Variants in METTL22 observed in about 807,000 individuals in gnomAD.
METTL22 encodes the protein methyltransferase 22, Kin17 lysine, also known as methyltransferase-like protein 22.
Under a neutral mutation model 48.4 loss-of-function variants are expected in METTL22, and 51 were observed. The observed-to-expected ratio is 1.05, with a 90% confidence interval of 0.84 to 1.33. METTL22 has a LOEUF of 1.33. METTL22 is among the 40% of genes most tolerant of loss of function. The probability of loss-of-function intolerance (pLI) is 0.00; values close to 1 mark genes in which losing one functional copy is unlikely to be tolerated. For synonymous variants in METTL22, 255 were observed against 214.1 expected (o/e 1.19, Z -1.67); for missense variants, 678 against 526.9 (o/e 1.29, Z -2.81).
chr16:8,644,334 C>A, intron 9 of METTL22: 3 of 413,632 alleles, frequency 7.3e-6, no homozygotes, highest in Admixed American at 3.9e-5. Context: ...GCTTTCTGAG[C>A]CTGTTTCCAC....
intron 9 of METTL22, 124 bp from the exon 10 acceptor site, chr16:8,644,433 G>A (rs781451187): frequency 1.3e-5 from 12 of 929,668 alleles, no homozygotes; most frequent in Admixed American, 5.4e-5. Flanking sequence ...TGAGACAGGC[G>A]CTCAGTAAAA....
At chr16:8,633,200 C>G (rs996878817) in intron 3 of METTL22, among the ~76,000 whole-genome samples, 24 of 152,248 alleles carry the variant, frequency 1.6e-4, no homozygotes, top group African/African-American at 5.8e-4. Context: ...TTCAGCCTGC[C>G]CAGCGAGTCC....
Position 8,649,565 on chromosome 16 carries a change from G to A in METTL22, c.*3422G>A, listed in dbSNP as rs2056861812. 1 of 151,934 alleles carries A rather than the reference G, an allele frequency of 6.6e-6. No individual in the cohort carries two copies. The highest frequency in any genetic ancestry group is 2.4e-5 in the African/African-American group (1 of 41,340). 9.4% of individuals were successfully genotyped at this position (151,934 alleles called of 1,614,324 possible). ...CCAGCATTTTGGGAGGCCGAGGTGG[G>A]TGGATCACCTAAGGTCAGGAGTTCG... On this transcript the variant is annotated 3_prime_UTR_variant, in exon 11 of 11. Transcript: ENST00000381920.
At position 8,622,638 on chromosome 16, in the gene METTL22, A is replaced by T. The variant is rs532171249; in HGVS notation, c.-171+863A>T. On this transcript the variant is annotated intron_variant, in intron 1 of 10. Coordinates refer to ENST00000381920, the MANE Select transcript of METTL22 (RefSeq NM_024109.4). ...CAGCATTCACTTTAATCATTATTAT[A>T]TTACTATAATGATAGTATTTACTAT... Among the ~76,000 whole-genome samples, 6 of 152,286 alleles carry T rather than the reference A, an allele frequency of 3.9e-5. No individual in the cohort carries two copies. The South Asian group carries it at 1.2e-3, about 32-fold the overall frequency.
intron 9 of METTL22, 198 bp from the exon 10 acceptor site, chr16:8,644,359 A>G (rs1343559304): frequency 3.0e-5 from 16 of 528,730 alleles, no homozygotes; most frequent in Admixed American, 9.4e-5. Context: ...GTAAAGTGCT[A>G]TCCACTTCCA....
rs372246544 is a variant in METTL22 at position 8,638,583 on chromosome 16, G to A, written c.701-508G>A. On this transcript the variant is annotated intron_variant, in intron 5 of 10. Coordinates refer to ENST00000381920, the MANE Select transcript of METTL22 (RefSeq NM_024109.4). The stretch of plus-strand genomic sequence containing the variant: ...GTTTGAATCTGCTCTGTGTTCTGAC[G>A]AATCATAAGAAAAAATCCTTCTGAC... Among the ~76,000 whole-genome samples, 7 of 152,152 alleles carry A rather than the reference G, an allele frequency of 4.6e-5. No homozygotes were observed. In the South Asian group the frequency reaches 6.2e-4, roughly 14 times the overall value.
At chr16:8,625,286 G>C (rs1013243367) in intron 1 of METTL22, among the ~76,000 whole-genome samples, 1 of 151,812 alleles carries the variant, frequency 6.6e-6, no homozygotes, top group Non-Finnish European at 1.5e-5. Context: ...GTAGTTCTAC[G>C]GTTATGATAT....
intron 6 of METTL22, 75 bp from the exon 7 acceptor site, chr16:8,641,056 A>G (rs914321317): frequency 2.1e-4 from 283 of 1,376,728 alleles, no homozygotes; most frequent in Non-Finnish European, 2.8e-4. Context: ...ATCTTCATAT[A>G]TAGTGTAAAA....
chr16:8,660,998 T>G, the METTL22 span, among the ~76,000 whole-genome samples: 88,295 of 151,254 alleles, frequency 0.58, 27,991 homozygotes, highest in East Asian at 0.89. Context: ...AGACAGGTGA[T>G]GAGTTTGGTC....
chr16:8,653,498 G>A (rs1468152022), downstream of METTL22, among the ~76,000 whole-genome samples: 1 of 152,166 alleles, frequency 6.6e-6, no homozygotes, highest in East Asian at 1.9e-4. Flanking sequence ...TGAATGGAAA[G>A]GGTATAAAAC....
At chr16:8,640,524 A>T (rs1057421808) in intron 6 of METTL22, among the ~76,000 whole-genome samples, 2 of 3,034 alleles carry the variant, frequency 6.6e-4, no homozygotes, top group African/African-American at 7.5e-4. Context: ...AAAATGGATG[A>T]TGGATGAGGA....
At chr16:8,622,954 A>C (rs1482787448) in intron 1 of METTL22, among the ~76,000 whole-genome samples, 1 of 152,208 alleles carries the variant, frequency 6.6e-6, no homozygotes, top group African/African-American at 2.4e-5. Flanking sequence ...TTGGTGTGTA[A>C]TATTATGCTC....
At chr16:8,632,621 C>T (rs1327988066) in intron 3 of METTL22, among the ~76,000 whole-genome samples, 1 of 152,206 alleles carries the variant, frequency 6.6e-6, no homozygotes, top group African/African-American at 2.4e-5. Flanking sequence ...GGGTCCTTGA[C>T]CACCTCAATG....
At chr16:8,662,731 C>T in the METTL22 span, among the ~76,000 whole-genome samples, 1 of 143,980 alleles carries the variant, frequency 6.9e-6, no homozygotes, top group Non-Finnish European at 1.5e-5. Context: ...GGCAATAAAG[C>T]TTGATGGTTA....
At chr16:8,660,057 GT>G in the METTL22 span, among the ~76,000 whole-genome samples, 4,060 of 152,204 alleles carry the variant, frequency 0.027, 170 homozygotes, top group African/African-American at 0.092. Context: ...CTGAAATCAT[GT>G]GATGCTTTTC....
chr16:8,644,601 A>G lies in METTL22; in HGVS notation c.1055A>G (p.Tyr352Cys). The change falls in exon 10 of 11, where the codon TAC (tyrosine) becomes TGC (cysteine). Residue 352 changes from tyrosine to cysteine, a missense_variant. By Grantham distance (194) the Tyr-to-Cys change is radical. Coordinates refer to ENST00000381920, the MANE Select transcript of METTL22 (RefSeq NM_024109.4). ...CACTTGGACGTCACATGTGAAGCCT[A>G]CGATCACTTCCGCTCCTGCCTGCAC... The part of the protein sequence containing the change: ...LRHLDVTCEA[Y>C]DHFRSCLHAL... 6.2e-7 allele frequency: 1 copy of G among 1,601,044 alleles called. No individual in the cohort carries two copies. Among genetic ancestry groups the G allele is most frequent in the Non-Finnish European group, 8.5e-7 (1 of 1,173,498 alleles).
At position 8,628,825 on chromosome 16, in the gene METTL22, C is replaced by T. The variant is rs373609056; in HGVS notation, c.229C>T (p.Pro77Ser). 9.9e-5 allele frequency: 160 copies of T among 1,614,034 alleles called. No homozygotes were observed. The highest frequency in any genetic ancestry group is 1.3e-4 in the Non-Finnish European group (152 of 1,180,040). The change falls in exon 3 of 11, where the codon CCT becomes TCT. Residue 77 changes from proline (P) to serine (S), a missense_variant. Physicochemically the swap from Pro to Ser is moderately conservative, Grantham distance 74. Coordinates refer to ENST00000381920, the MANE Select transcript of METTL22 (RefSeq NM_024109.4). ...GSHRDVHTKE[P>S]PSAETGSTGS... ...TCACAGAGATGTTCACACAAAGGAG[C>T]CTCCTTCTGCTGAGACAGGCAGCAC...
chr16:8,661,386 C>A, the METTL22 span, among the ~76,000 whole-genome samples: 6 of 151,540 alleles, frequency 4.0e-5, no homozygotes, highest in African/African-American at 1.5e-4. Context: ...GTGGCTCACA[C>A]CTGTAATCCC....
chr16:8,651,877 G>A (rs1423963539), downstream of METTL22, among the ~76,000 whole-genome samples: 2 of 152,260 alleles, frequency 1.3e-5, no homozygotes, highest in South Asian at 2.1e-4. Flanking sequence ...GATGGGGGAC[G>A]AGGAGGGAGA....
Sources: allele counts gnomAD v4.1 joint callset (sites outside exome capture counted in the v4.1 genomes callset), GRCh38; gene constraint gnomAD v4.1.1; transcripts MANE v1.5; gene names NCBI Gene and HGNC (gene_info 2026-07-23, HGNC 2026-07-21).